TRPC7: variants seen among roughly 807,000 people sequenced by gnomAD.
TRPC7 encodes short transient receptor potential channel 7.
A neutral mutation model predicts 90.1 loss-of-function variants in TRPC7; 42 were observed. The observed-to-expected ratio is 0.47, with a 90% CI of 0.36 to 0.60. The LOEUF is 0.60. Among genes scored for constraint, TRPC7 ranks in the 20% least tolerant of loss-of-function variants. The pLI is 0.00. For missense variants in TRPC7, 955 were observed against 1,112.3 expected, an observed-to-expected ratio of 0.86 and a Z score of 2.01; for synonymous variants, 451 against 436.3, an observed-to-expected ratio of 1.03 and a Z score of -0.42.
At chr5:136,248,035 G>C (rs1285492417) in intron 6 of TRPC7, among the ~76,000 whole-genome samples, 2 of 152,164 alleles carry the variant, frequency 1.3e-5, no homozygotes, top group African/African-American at 4.8e-5. Flanking sequence ...ACCACGGGCT[G>C]GGCAGGTTCC....
intron 3 of TRPC7, among the ~76,000 whole-genome samples, chr5:136,303,021 C>T (rs1047024683): frequency 1.3e-5 from 2 of 152,170 alleles, no homozygotes; most frequent in African/African-American, 4.8e-5. Context: ...GCTCCTCCAC[C>T]CTATAATCCT....
intron 2 of TRPC7, 46 bp from the exon 3 acceptor site, chr5:136,315,825 C>A (rs746812786): frequency 4.4e-6 from 7 of 1,581,052 alleles, no homozygotes; most frequent in Non-Finnish European, 8.6e-7. Context: ...TGGAGGCCCG[C>A]AGATTGGCTT....
rs187720783 is a variant in TRPC7 at position 136,362,872 on chromosome 5, C to T, written c.2+2381G>A. Among the ~76,000 whole-genome samples the T allele has an allele frequency of 1.8e-4, 28 of 152,232 alleles. No homozygotes were observed. The East Asian group carries it at 4.8e-3, about 26-fold the overall frequency. Reference sequence around the variant, plus strand: ...GTATATGGCATATGCACCTGGTGCCCTGTACTCCTGATGCCTTGCATATGG... The same window carrying T: ...GTATATGGCATATGCACCTGGTGCCTTGTACTCCTGATGCCTTGCATATGG... On this transcript the variant is annotated intron_variant, in intron 1 of 11. Coordinates refer to ENST00000513104, the MANE Select transcript of TRPC7 (RefSeq NM_020389.3).
rs764746764 is a variant in TRPC7 at position 136,315,773 on chromosome 5, A to G, written c.787T>C (p.Tyr263His). The change falls in exon 3 of 12, where the codon TAC becomes CAC. Residue 263 changes from tyrosine to histidine, a missense_variant. By Grantham distance (83) the Tyr-to-His change is moderately conservative (BLOSUM62 2). Around this residue, in one of 4 missense-constraint regions of TRPC7, gnomAD observed 484 missense variants for 509.6 expected, o/e 0.95. Transcript: ENST00000513104. ...ANIETEFKND[Y>H]RKLSMQCKDF... ...TTGCATTGCATAGATAACTTCCTGT[A>G]ATCGTTCTAACAGAATAGAGAGAAA... is the stretch of plus-strand genomic sequence containing the variant. 6.2e-7 allele frequency: 1 copy of G among 1,613,538 alleles called. No homozygotes were observed. Among genetic ancestry groups the G allele is most frequent in the Non-Finnish European group, 8.5e-7 (1 of 1,179,614 alleles).
chr5:136,226,972 A>G (rs1460509922), intron 8 of TRPC7, among the ~76,000 whole-genome samples: 2 of 152,208 alleles, frequency 1.3e-5, no homozygotes, highest in Non-Finnish European at 2.9e-5. Context: ...AGTGGCTACC[A>G]CACTGGACAG....
At chr5:136,325,310 A>T (rs192858341) in intron 2 of TRPC7, among the ~76,000 whole-genome samples, 1 of 152,324 alleles carries the variant, frequency 6.6e-6, no homozygotes, top group East Asian at 1.9e-4. Context: ...GTATTGTGCC[A>T]CTGATATCGA....
intron 5 of TRPC7, among the ~76,000 whole-genome samples, chr5:136,261,682 T>C (rs187317092): frequency 1.1e-4 from 17 of 152,376 alleles, no homozygotes; most frequent in Admixed American, 9.1e-4. Context: ...ATATTTCTCA[T>C]CTTCCCATGC....
chr5:136,355,667 G>A (rs2149860696), intron 2 of TRPC7, among the ~76,000 whole-genome samples: 1 of 152,224 alleles, frequency 6.6e-6, no homozygotes, highest in East Asian at 1.9e-4. Flanking sequence ...ACATGGTGGT[G>A]GGCACCTGTA....
intron 5 of TRPC7, among the ~76,000 whole-genome samples, chr5:136,262,311 A>G (rs1203681725): frequency 6.6e-6 from 1 of 152,160 alleles, no homozygotes; most frequent in African/African-American, 2.4e-5. Context: ...TCATTCATCT[A>G]CATCAGCCAC....
At chr5:136,279,449 G>C (rs1314825789) in intron 3 of TRPC7, among the ~76,000 whole-genome samples, 2 of 152,144 alleles carry the variant, frequency 1.3e-5, no homozygotes, top group Non-Finnish European at 2.9e-5. Flanking sequence ...GCTGTGGCGG[G>C]GCTTTCTGGA....
intron 2 of TRPC7, among the ~76,000 whole-genome samples, chr5:136,333,699 T>A (rs767497014): frequency 6.6e-6 from 1 of 152,160 alleles, no homozygotes; most frequent in African/African-American, 2.4e-5. Context: ...ATGGAAACAT[T>A]CAAATTTTAA....
At chr5:136,263,718 C>T (rs1002594348) in intron 5 of TRPC7, among the ~76,000 whole-genome samples, 9 of 152,136 alleles carry the variant, frequency 5.9e-5, no homozygotes, top group Non-Finnish European at 1.0e-4. Flanking sequence ...AAAATATCAG[C>T]GACTGTGAAG....
Position 136,356,756 on chromosome 5 carries a change from G to C in TRPC7, c.632C>G (p.Ser211Cys). The C allele has an allele frequency of 6.2e-7, 1 of 1,612,538 alleles. No homozygotes were observed. The highest frequency in any genetic ancestry group is 2.2e-5 in the East Asian group (1 of 44,828). The change falls in exon 2 of 12, where the codon TCC becomes TGC. Residue 211 changes from serine (S) to cysteine (C), a missense_variant. Ser to Cys is a moderately radical substitution (Grantham distance 112, BLOSUM62 -1). Around this residue, in one of 4 missense-constraint regions of TRPC7, gnomAD observed 484 missense variants for 509.6 expected, o/e 0.95. Coordinates refer to ENST00000513104, the MANE Select transcript of TRPC7 (RefSeq NM_020389.3). ...NECTEKQRKD[S>C]FSHSRSRMNA... ...CATGCGCGAGCGCGAGTGGCTGAAG[G>C]AGTCTTTCCGCTGTTTCTCGGTGCA...
chr5:136,308,206 T>C (rs542342355), intron 3 of TRPC7, among the ~76,000 whole-genome samples: 1 of 152,308 alleles, frequency 6.6e-6, no homozygotes, highest in South Asian at 2.1e-4. Context: ...AAACAAAACT[T>C]CCTCATGTAA....
chr5:136,287,726 A>AAAC (rs1757776999), intron 3 of TRPC7, among the ~76,000 whole-genome samples: 1 of 133,440 alleles, frequency 7.5e-6, no homozygotes, highest in Non-Finnish European at 1.6e-5. Context: ...AAAAAAAAAA[A>AAAC]AAACCCAGAA....
At chr5:136,240,658 G>A (rs1300589006) in intron 7 of TRPC7, among the ~76,000 whole-genome samples, 1 of 152,150 alleles carries the variant, frequency 6.6e-6, no homozygotes, top group Non-Finnish European at 1.5e-5. Flanking sequence ...TCAAAGTGTA[G>A]GCCCTAGTGT....
chr5:136,322,734 T>C (rs1214410282), intron 2 of TRPC7, among the ~76,000 whole-genome samples: 1 of 152,214 alleles, frequency 6.6e-6, no homozygotes, highest in Non-Finnish European at 1.5e-5. Context: ...TAATGGCTAA[T>C]AATGCTCCAC....
chr5:136,343,973 G>A (rs565454602), intron 2 of TRPC7, among the ~76,000 whole-genome samples: 16 of 152,258 alleles, frequency 1.1e-4, no homozygotes, highest in African/African-American at 3.4e-4. Flanking sequence ...AAAGACATAC[G>A]CATGTGTATG....
rs1756519126 is a variant in TRPC7, at chr5:136,251,634, CA to C, written c.1579+14del. 1.9e-6 allele frequency: 3 copies of C among 1,574,726 alleles called. No homozygotes were observed. The highest frequency in any genetic ancestry group is 3.6e-5 in the Admixed American group (2 of 56,286). On this transcript the variant is annotated intron_variant, in intron 6 of 11. Coordinates refer to ENST00000513104, the MANE Select transcript of TRPC7 (RefSeq NM_020389.3). ...AAGCGCCAAAATGGAGTAGGGGAAG[CA>C]CTCTCCGACTCACCGTAGGTGAAGT...
Sources: gnomAD v4.1 joint callset for allele counts (sites outside exome capture counted in the v4.1 genomes callset) on GRCh38, gnomAD v4.1.1 for gene constraint, gnomAD v4.1.1 regional missense constraint, MANE v1.5 for transcripts, NCBI Gene and HGNC (gene_info 2026-07-23, HGNC 2026-07-21) for gene names.